Variants in TPP2 observed in about 807,000 individuals in gnomAD.
TPP2 encodes the protein tripeptidyl peptidase 2.
TPP2 carries 34 observed loss-of-function variants against 155.9 expected under a neutral mutation model. The observed-to-expected ratio is 0.22, with a 90% CI of 0.17 to 0.29. The LOEUF is 0.29. Ranked by LOEUF, TPP2 falls within the 10% of genes least tolerant of loss-of-function variation. TPP2 has a pLI of 1.00. For synonymous variants in TPP2, 510 were observed against 529.4 expected (o/e 0.96, Z 0.50); for missense variants, 1,028 against 1,522.3 (o/e 0.68, Z 5.40).
intron 5 of TPP2, among the ~76,000 whole-genome samples, chr13:102,622,252 G>A (rs1881218660): frequency 6.6e-6 from 1 of 152,074 alleles, no homozygotes; most frequent in South Asian, 2.1e-4. Context: ...TTTTAATGAT[G>A]TTCATTTCAT....
At chr13:102,616,778 T>C (rs1880766551) in intron 4 of TPP2, among the ~76,000 whole-genome samples, 1 of 152,252 alleles carries the variant, frequency 6.6e-6, no homozygotes, top group Admixed American at 6.5e-5. Context: ...GGAATTTCTC[T>C]TGTGCCCCTT....
intron 1 of TPP2, 109 bp from the exon 2 acceptor site, chr13:102,604,684 A>T: frequency 2.4e-6 from 3 of 1,272,382 alleles, no homozygotes; most frequent in Non-Finnish European, 3.2e-6. Context: ...TCTCTTTTTT[A>T]AGTGAATGTA....
intron 26 of TPP2, 140 bp from the exon 27 acceptor site, chr13:102,664,655 G>A (rs658483): frequency 0.47 from 367,057 of 773,030 alleles, 88,756 homozygotes; most frequent in African/African-American, 0.6. Context: ...GAGATAGCAG[G>A]GAGCCCCTGG....
intron 1 of TPP2, among the ~76,000 whole-genome samples, chr13:102,603,613 G>C (rs1233151477): frequency 6.6e-6 from 1 of 152,176 alleles, no homozygotes; most frequent in Non-Finnish European, 1.5e-5. Context: ...CTGAGTAACG[G>C]GGTGGCAGGG....
intron 6 of TPP2, 61 bp from the exon 7 acceptor site, chr13:102,626,951 A>G: frequency 1.4e-6 from 2 of 1,418,156 alleles, no homozygotes; most frequent in East Asian, 2.5e-5. Flanking sequence ...ATGCAAATTG[A>G]ATTGAATAAA....
chr13:102,625,825 C>G (rs1209790939), intron 6 of TPP2, among the ~76,000 whole-genome samples: 2 of 152,196 alleles, frequency 1.3e-5, no homozygotes, highest in African/African-American at 2.4e-5. Context: ...ACTATAGTCC[C>G]CAAACATTAA....
At chr13:102,625,893 G>A (rs1356505493) in intron 6 of TPP2, among the ~76,000 whole-genome samples, 1 of 152,178 alleles carries the variant, frequency 6.6e-6, no homozygotes, top group Non-Finnish European at 1.5e-5. Context: ...TCTGAGACTA[G>A]TGGGATATTT....
chr13:102,601,747 C>T (rs1879446826), intron 1 of TPP2, among the ~76,000 whole-genome samples: 1 of 152,142 alleles, frequency 6.6e-6, no homozygotes, highest in Admixed American at 6.5e-5. Context: ...ATGGCAAATC[C>T]TCAGGGGGTT....
chr13:102,611,188 A>G (rs775636866), intron 2 of TPP2, among the ~76,000 whole-genome samples: 1 of 152,226 alleles, frequency 6.6e-6, no homozygotes, highest in Non-Finnish European at 1.5e-5. Context: ...TACCTACTAC[A>G]TTCTATCCAT....
At chr13:102,622,072 T>G (rs1178215766) in intron 5 of TPP2, among the ~76,000 whole-genome samples, 1 of 152,218 alleles carries the variant, frequency 6.6e-6, no homozygotes, top group Non-Finnish European at 1.5e-5. Flanking sequence ...TTCCAAAGTG[T>G]TGTAATTTGT....
At chr13:102,644,818 T>A (rs1052272603) in intron 18 of TPP2, 91 bp from the exon 19 acceptor site, 1 of 1,487,556 alleles carries the variant, frequency 6.7e-7, no homozygotes. Context: ...TGGGTACTTA[T>A]AAACTTTATA....
intron 28 of TPP2, among the ~76,000 whole-genome samples, chr13:102,676,060 G>T (rs1331104142): frequency 6.6e-6 from 1 of 151,908 alleles, no homozygotes; most frequent in Non-Finnish European, 1.5e-5. Context: ...GGATTTCCAC[G>T]GCTAATAATT....
chr13:102,666,745 C>CTTTTT (rs60629451), intron 27 of TPP2, among the ~76,000 whole-genome samples: 1 of 127,952 alleles, frequency 7.8e-6, no homozygotes, highest in African/African-American at 2.8e-5. Flanking sequence ...TCTTATTGGT[C>CTTTTT]TTTATCACTG....
intron 29 of TPP2, among the ~76,000 whole-genome samples, chr13:102,677,380 G>A (rs1406233869): frequency 1.4e-5 from 2 of 147,822 alleles, no homozygotes; most frequent in East Asian, 2.1e-4. Flanking sequence ...TGCCCCCCCC[G>A]CTGCCTGTTC....
At chr13:102,670,269 G>T (rs992550153) in intron 27 of TPP2, among the ~76,000 whole-genome samples, 5 of 152,028 alleles carry the variant, frequency 3.3e-5, no homozygotes, top group Non-Finnish European at 5.9e-5. Flanking sequence ...TGTTCTATAT[G>T]GCCTTTGTAA....
intron 25 of TPP2, among the ~76,000 whole-genome samples, chr13:102,661,811 A>G (rs1275440607): frequency 6.6e-6 from 1 of 152,230 alleles, no homozygotes; most frequent in Non-Finnish European, 1.5e-5. Context: ...CAGAATCCTC[A>G]GACACTGATG....
chr13:102,651,344 C>T lies in TPP2; in HGVS notation c.2953-15C>T, dbSNP rs979742846. On this transcript the variant is annotated splice_polypyrimidine_tract_variant and intron_variant, in intron 23 of 29. Coordinates refer to ENST00000376052, the MANE Select transcript of TPP2 (RefSeq NM_001330588.2). ...TTATGCATGTTTTCTTACAGAATGTCGTTCTAACTCCCAGGGGCAGTCTGC... is the reference window on the plus strand; with the variant it reads ...TTATGCATGTTTTCTTACAGAATGTTGTTCTAACTCCCAGGGGCAGTCTGC... 3.2e-6 allele frequency: 5 copies of T among 1,573,692 alleles called. No individual in the cohort carries two copies. The highest frequency in any genetic ancestry group is 2.7e-5 in the African/African-American group (2 of 73,942).
At position 102,604,937 on chromosome 13, in the gene TPP2, T is replaced by G; in HGVS notation, c.294+16T>G. On this transcript the variant is annotated intron_variant, in intron 2 of 29. Transcript: ENST00000376052. ...AGTGCTTAAGGTGAGACCTTTTGTC[T>G]TCTTTTTGAATTTTTTTTTTTTTAC... 6.3e-7 allele frequency: 1 copy of G among 1,596,608 alleles called. No homozygotes were observed. Among genetic ancestry groups the G allele is most frequent in the African/African-American group, 1.4e-5 (1 of 73,596 alleles).
chr13:102,619,867 A>G (rs954194638), intron 5 of TPP2, among the ~76,000 whole-genome samples: 1 of 152,226 alleles, frequency 6.6e-6, no homozygotes, highest in Admixed American at 6.5e-5. Flanking sequence ...ATACAGAATA[A>G]TAAACCTTGA....
Sources: allele counts gnomAD v4.1 joint callset (sites outside exome capture counted in the v4.1 genomes callset), GRCh38; gene constraint gnomAD v4.1.1; transcripts MANE v1.5; gene names NCBI Gene and HGNC (gene_info 2026-07-23, HGNC 2026-07-21).